The following AFF3 variants were observed in gnomAD, a reference collection of about 807,000 sequenced individuals.
The protein encoded by AFF3 is AF4/FMR2 family member 3.
A neutral mutation model predicts 129.7 loss-of-function variants in AFF3; 32 were observed. The observed-to-expected ratio is 0.25, with a 90% CI of 0.19 to 0.33. The LOEUF is 0.33. Ranked by LOEUF, AFF3 falls within the 10% of genes least tolerant of loss-of-function variation. The pLI is 1.00. For synonymous variants in AFF3, 644 were observed against 635.4 expected (o/e 1.01, Z -0.20); for missense variants, 1,373 against 1,592.0 (o/e 0.86, Z 2.34).
intron 8 of AFF3, among the ~76,000 whole-genome samples, chr2:99,836,828 T>A (rs1316384832): frequency 6.6e-6 from 1 of 152,006 alleles, no homozygotes; most frequent in African/African-American, 2.4e-5. Context: ...TGAAAAAATA[T>A]GAGTGAAGAA....
intron 8 of AFF3, among the ~76,000 whole-genome samples, chr2:99,820,180 T>G (rs1228122776): frequency 6.6e-6 from 1 of 152,096 alleles, no homozygotes; most frequent in Non-Finnish European, 1.5e-5. Flanking sequence ...CATCATAGAG[T>G]GCACTTACAC....
At chr2:99,981,395 C>T (rs1576475080) in intron 7 of AFF3, among the ~76,000 whole-genome samples, 1 of 152,178 alleles carries the variant, frequency 6.6e-6, no homozygotes, top group Non-Finnish European at 1.5e-5. Context: ...AACTATGATA[C>T]ATATTCATGC....
At chr2:99,861,034 C>T (rs957739400) in intron 7 of AFF3, among the ~76,000 whole-genome samples, 1 of 152,102 alleles carries the variant, frequency 6.6e-6, no homozygotes, top group Non-Finnish European at 1.5e-5. Flanking sequence ...CCAACAGCTC[C>T]CCCTTTGAAT....
At chr2:99,595,457 C>CT (rs1679191826) in intron 14 of AFF3, among the ~76,000 whole-genome samples, 1 of 152,074 alleles carries the variant, frequency 6.6e-6, no homozygotes, top group Admixed American at 6.6e-5. Flanking sequence ...GAAGACACTG[C>CT]TTAGCTCCAT....
At chr2:99,961,372 T>C (rs1180265392) in intron 7 of AFF3, among the ~76,000 whole-genome samples, 2 of 152,238 alleles carry the variant, frequency 1.3e-5, no homozygotes, top group Non-Finnish European at 2.9e-5. Context: ...GGAAGATGTA[T>C]TGATCTTTCC....
intron 7 of AFF3, among the ~76,000 whole-genome samples, chr2:99,914,575 A>G (rs547984003): frequency 6.6e-6 from 1 of 152,280 alleles, no homozygotes; most frequent in East Asian, 1.9e-4. Flanking sequence ...GATATGTAAG[A>G]GGATATTCTT....
chr2:99,673,648 G>A (rs372741116), intron 11 of AFF3, among the ~76,000 whole-genome samples: 38 of 152,174 alleles, frequency 2.5e-4, no homozygotes, highest in African/African-American at 8.7e-4. Flanking sequence ...TGTGAAGCCC[G>A]CTGAGCCCTT....
chr2:99,992,660 A>G (rs1680462514), intron 7 of AFF3, among the ~76,000 whole-genome samples: 1 of 152,228 alleles, frequency 6.6e-6, no homozygotes, highest in South Asian at 2.1e-4. Context: ...ATTTTAACTG[A>G]AAAGCAATTC....
At chr2:99,903,478 G>A (rs775505947) in intron 7 of AFF3, among the ~76,000 whole-genome samples, 15 of 152,120 alleles carry the variant, frequency 9.9e-5, no homozygotes, top group Admixed American at 4.6e-4. Flanking sequence ...CTGATCAAAC[G>A]TTTTAAAGAG....
intron 4 of AFF3, among the ~76,000 whole-genome samples, chr2:100,096,067 C>G (rs1690259598): frequency 6.6e-6 from 1 of 151,914 alleles, no homozygotes; most frequent in South Asian, 2.1e-4. Context: ...ATAGCTGACC[C>G]CACCCCCAAC....
At chr2:99,875,455 TAC>T (rs2105984383) in intron 7 of AFF3, among the ~76,000 whole-genome samples, 1 of 152,368 alleles carries the variant, frequency 6.6e-6, no homozygotes, top group East Asian at 1.9e-4. Flanking sequence ...TTGCTTTATT[TAC>T]AGTTATCTAT....
intron 8 of AFF3, among the ~76,000 whole-genome samples, chr2:99,811,101 G>A (rs983792544): frequency 6.6e-6 from 1 of 152,218 alleles, no homozygotes; most frequent in Non-Finnish European, 1.5e-5. Flanking sequence ...ATTAGGACAT[G>A]GGAGGGACGT....
chr2:99,762,730 C>T (rs571875823), intron 8 of AFF3, among the ~76,000 whole-genome samples: 70 of 152,260 alleles, frequency 4.6e-4, no homozygotes, highest in African/African-American at 1.5e-3. Flanking sequence ...GGCAGATGAC[C>T]GCAGTTAACT....
intron 8 of AFF3, among the ~76,000 whole-genome samples, chr2:99,768,889 T>C (rs1683237821): frequency 1.3e-5 from 2 of 152,206 alleles, no homozygotes; most frequent in South Asian, 2.1e-4. Context: ...CATAGTATGT[T>C]ACTTGTTTCT....
chr2:99,956,954 C>A (rs1296255830), intron 7 of AFF3, among the ~76,000 whole-genome samples: 3 of 152,146 alleles, frequency 2.0e-5, no homozygotes, highest in Non-Finnish European at 4.4e-5. Context: ...AAGCACCTAC[C>A]CACAAAAATT....
chr2:99,750,921 T>C (rs1681594633), intron 9 of AFF3, among the ~76,000 whole-genome samples: 1 of 152,218 alleles, frequency 6.6e-6, no homozygotes, highest in Non-Finnish European at 1.5e-5. Context: ...AATATTTTGC[T>C]GCTGTTTTGA....
chr2:100,012,208 A>G (rs1682614001), intron 4 of AFF3, among the ~76,000 whole-genome samples: 1 of 152,134 alleles, frequency 6.6e-6, no homozygotes, highest in South Asian at 2.1e-4. Context: ...TGAACCCAGA[A>G]TGACTCAAAA....
At chr2:100,124,871 T>C (rs1371600641) in intron 2 of AFF3, among the ~76,000 whole-genome samples, 3 of 152,148 alleles carry the variant, frequency 2.0e-5, no homozygotes, top group African/African-American at 7.2e-5. Context: ...AATTAGAGCA[T>C]AAAGACAGAG....
intron 13 of AFF3, among the ~76,000 whole-genome samples, chr2:99,639,862 AT>A (rs996087300): frequency 1.6e-4 from 24 of 147,070 alleles, no homozygotes; most frequent in Admixed American, 2.7e-4. Context: ...TAATTTTTGT[AT>A]TTTTTTTTTA....
Sources: gnomAD v4.1 joint callset for allele counts (sites outside exome capture counted in the v4.1 genomes callset) on GRCh38, gnomAD v4.1.1 for gene constraint, MANE v1.5 for transcripts, NCBI Gene and HGNC (gene_info 2026-07-23, HGNC 2026-07-21) for gene names.